The following NCBP2L variants were observed in gnomAD, a reference collection of about 807,000 sequenced individuals.
The protein encoded by NCBP2L is nuclear cap binding protein subunit 2 like.
For synonymous variants in NCBP2L, 39 were observed against 19.2 expected (o/e 2.04, Z -2.70); for missense variants, 95 against 53.1 (o/e 1.79, Z -2.45).
intron 1 of NCBP2L, among the ~76,000 whole-genome samples, chrX:107,782,828 C>T (rs1489634148): frequency 9.4e-6 from 1 of 106,562 alleles, no homozygotes; most frequent in African/African-American, 3.5e-5. Context: ...TTTATATATA[C>T]ATATACATAT....
intron 1 of NCBP2L, among the ~76,000 whole-genome samples, 154 bp downstream of exon 1, chrX:107,778,012 C>CTGTCT (rs34685235): frequency 2.7e-4 from 19 of 71,349 alleles, no homozygotes; most frequent in East Asian, 1.8e-3. Flanking sequence ...TTCTTCTTCG[C>CTGTCT]TTTTTTTTTT....
rs150914315 is a variant in NCBP2L, at chrX:107,793,168, G to A, written c.-72-981G>A. 3.4e-3 allele frequency among the ~76,000 whole-genome samples: 385 copies of A among 112,133 alleles called. 3 individuals carry two copies. The highest frequency in any genetic ancestry group is 0.012 in the African/African-American group (369 of 30,885). On this transcript the variant is annotated intron_variant, in intron 1 of 1. Coordinates refer to ENST00000509000, the MANE Select transcript of NCBP2L (RefSeq NM_001348372.2). Reference sequence around the variant, plus strand: ...TTTGTTAAGGGAATGCACTTCCTTAGCAGAGTTTCTCAAAGTGTAATCTTT... The same window carrying A: ...TTTGTTAAGGGAATGCACTTCCTTAACAGAGTTTCTCAAAGTGTAATCTTT...
intron 1 of NCBP2L, among the ~76,000 whole-genome samples, chrX:107,780,583 T>C (rs770474247): frequency 1.1e-4 from 12 of 108,556 alleles, no homozygotes; most frequent in African/African-American, 4.0e-4. Flanking sequence ...CTTCAGGCCT[T>C]GGATCTGCAC....
At chrX:107,785,264 G>T (rs112113098) in intron 1 of NCBP2L, among the ~76,000 whole-genome samples, 5,248 of 111,219 alleles carry the variant, frequency 0.047, 321 homozygotes, top group African/African-American at 0.16. Flanking sequence ...CCCCAACTTT[G>T]TTGGGCACTT....
At chrX:107,790,712 T>C (rs1930440881) in intron 1 of NCBP2L, among the ~76,000 whole-genome samples, 1 of 111,856 alleles carries the variant, frequency 8.9e-6, no homozygotes, top group African/African-American at 3.2e-5. Flanking sequence ...AAGAAACTAG[T>C]GACAATGATT....
chrX:107,782,312 A>AAT (rs1260428039), intron 1 of NCBP2L, among the ~76,000 whole-genome samples: 11 of 30,174 alleles, frequency 3.6e-4, no homozygotes, highest in Non-Finnish European at 3.9e-4. Context: ...TATATATATA[A>AAT]ATATATATAT....
At chrX:107,787,216 C>T (rs1930400428) in intron 1 of NCBP2L, among the ~76,000 whole-genome samples, 1 of 111,702 alleles carries the variant, frequency 9.0e-6, no homozygotes, top group Admixed American at 9.5e-5. Flanking sequence ...AACAGTAAGG[C>T]CATATAGTGC....
chrX:107,791,950 C>T (rs1424741651), intron 1 of NCBP2L, among the ~76,000 whole-genome samples: 2 of 112,167 alleles, frequency 1.8e-5, no homozygotes, highest in African/African-American at 6.5e-5. Context: ...AGTCATAACA[C>T]TACATTGATT....
chrX:107,782,466 G>C (rs1402302668), intron 1 of NCBP2L, among the ~76,000 whole-genome samples: 2 of 89,345 alleles, frequency 2.2e-5, no homozygotes, highest in Admixed American at 2.9e-4. Context: ...GTGTGTGTGC[G>C]TCTGTGTGCA....
intron 1 of NCBP2L, among the ~76,000 whole-genome samples, chrX:107,791,029 G>A (rs1362060434): frequency 9.0e-6 from 1 of 111,471 alleles, no homozygotes; most frequent in Admixed American, 9.6e-5. Flanking sequence ...TGAGCTACCT[G>A]AGGGAAAGGG....
At chrX:107,790,426 C>A (rs1477764587) in intron 1 of NCBP2L, among the ~76,000 whole-genome samples, 1 of 111,049 alleles carries the variant, frequency 9.0e-6, no homozygotes, top group Non-Finnish European at 1.9e-5. Flanking sequence ...GCTTGAAGCC[C>A]TATCATGGTT....
chrX:107,792,227 T>C (rs1930461923), intron 1 of NCBP2L, among the ~76,000 whole-genome samples: 3 of 111,288 alleles, frequency 2.7e-5, no homozygotes, highest in African/African-American at 9.8e-5. Context: ...GCATCCAGCT[T>C]ATATTTTGCC....
chrX:107,779,342 G>A (rs780493579), intron 1 of NCBP2L, among the ~76,000 whole-genome samples: 1 of 112,605 alleles, frequency 8.9e-6, no homozygotes, highest in South Asian at 3.6e-4. Flanking sequence ...CTCTGCATTT[G>A]TAGTTGAAGG....
At position 107,777,752 on chromosome X, in the gene NCBP2L, T is replaced by C. The variant is rs184310153; in HGVS notation, c.-179T>C. 1.7e-3 allele frequency: 190 copies of C among 111,598 alleles called. No individual in the cohort carries two copies. The highest frequency in any genetic ancestry group is 2.9e-3 in the Non-Finnish European group (152 of 53,164). 9.2% of individuals were successfully genotyped at this position (111,598 alleles called of 1,213,427 possible). A position where few individuals can be genotyped will look rare whatever the true frequency, so the allele number is the denominator to read the frequency against. On this transcript the variant is annotated 5_prime_UTR_variant, in exon 1 of 2. It removes an upstream start codon present in the reference 5' UTR. Transcript: ENST00000509000. ...TTCCCAAGGCCCTGTGGGTCCTATA[T>C]GTGCCCTGCAACTTGGGGAAAATGG...
At chrX:107,784,151 C>T (rs1930365506) in intron 1 of NCBP2L, among the ~76,000 whole-genome samples, 2 of 111,713 alleles carry the variant, frequency 1.8e-5, no homozygotes, top group Admixed American at 9.5e-5. Context: ...CACTTGGTAC[C>T]TACCACATAG....
At chrX:107,789,174 C>CTTTTTT (rs760912732) in intron 1 of NCBP2L, among the ~76,000 whole-genome samples, 1 of 67,050 alleles carries the variant, frequency 1.5e-5, no homozygotes, top group African/African-American at 6.3e-5. Context: ...GTCCTAACCT[C>CTTTTTT]TTTTTTTTTT....
Position 107,794,670 on chromosome X carries a change from G to T in NCBP2L, c.450G>T (p.Gln150His). ...CTGGTAGAGGAGGCTTTGGAAGACA[G>T]ACTCAGATCTAGAACAATCCATAGA... is the stretch of plus-strand genomic sequence containing the variant. The part of the protein sequence containing the change: ...FHSGRGGFGR[Q>H]TQI Residue 150 changes from glutamine (Q) to histidine (H), a missense_variant, in exon 2 of 2, where the codon CAG becomes CAT. By Grantham distance (24) the Gln-to-His change is conservative. Transcript: ENST00000509000. 1 of 568,812 alleles carries T rather than the reference G, an allele frequency of 1.8e-6. No homozygotes were observed. The highest frequency in any genetic ancestry group is 2.2e-5 in the South Asian group (1 of 44,733). The allele number at this position is 568,812 out of a possible 1,213,427, so 46.9% of individuals were successfully genotyped here.
rs141890775 is a variant in NCBP2L, at chrX:107,794,818, T to C, written c.*136T>C. The C allele has an allele frequency of 3.2e-5, 13 of 401,443 alleles. No homozygotes were observed. In the East Asian group the frequency reaches 5.1e-4, roughly 16 times the overall value. 33.1% of individuals were successfully genotyped at this position (401,443 alleles called of 1,213,427 possible). A position where few individuals can be genotyped will look rare whatever the true frequency, so the allele number is the denominator to read the frequency against. On this transcript the variant is annotated 3_prime_UTR_variant, in exon 2 of 2. Transcript: ENST00000509000. ...TGTATTTTTTTCTCTGAAAATTTGT[T>C]AAATAGCAGAAACAAAAAAAATCCA...
intron 1 of NCBP2L, among the ~76,000 whole-genome samples, chrX:107,785,268 G>A (rs745466639): frequency 9.0e-6 from 1 of 111,171 alleles, no homozygotes; most frequent in Non-Finnish European, 1.9e-5. Context: ...AACTTTGTTG[G>A]GCACTTTTGC....
Sources: gnomAD v4.1 joint callset for allele counts (sites outside exome capture counted in the v4.1 genomes callset) on GRCh38, gnomAD v4.1.1 for gene constraint, MANE v1.5 for transcripts, NCBI Gene and HGNC (gene_info 2026-07-23, HGNC 2026-07-21) for gene names.